The following ARHGEF33 variants were observed in gnomAD, a reference collection of about 807,000 sequenced individuals.
The protein encoded by ARHGEF33 is Rho guanine nucleotide exchange factor 33, also known as DH and coiled-coil domain-containing protein ENSP00000381780.
A neutral mutation model predicts 101.9 loss-of-function variants in ARHGEF33; 72 were observed. The observed-to-expected ratio is 0.71, with a 90% confidence interval of 0.58 to 0.86. ARHGEF33 has a LOEUF of 0.86. Ranked by LOEUF, ARHGEF33 falls within the 40% of genes least tolerant of loss-of-function variation. The probability of loss-of-function intolerance (pLI) is 0.00; values close to 1 mark genes in which losing one functional copy is unlikely to be tolerated. For synonymous variants in ARHGEF33, 499 were observed against 442.5 expected (o/e 1.13, Z -1.60); for missense variants, 1,169 against 1,111.3 (o/e 1.05, Z -0.74).
intron 2 of ARHGEF33, among the ~76,000 whole-genome samples, chr2:38,904,033 C>A (rs1483260984): frequency 6.6e-6 from 1 of 152,132 alleles, no homozygotes; most frequent in African/African-American, 2.4e-5. Flanking sequence ...AGCCTCTTTT[C>A]TCAAAGAAGT....
intron 17 of ARHGEF33, chr2:38,971,912 CTGG>C: frequency 2.8e-6 from 2 of 718,526 alleles, no homozygotes; most frequent in Non-Finnish European, 5.2e-6. Flanking sequence ...GTCCTTGGGG[CTGG>C]TGGTGACATC....
chr2:38,904,372 C>CA (rs1317617158), intron 2 of ARHGEF33, among the ~76,000 whole-genome samples: 1 of 151,956 alleles, frequency 6.6e-6, no homozygotes, highest in African/African-American at 2.4e-5. Context: ...AGGCCAGGGA[C>CA]ATTGTGGAGG....
At chr2:38,908,048 A>G (rs1208724896) in intron 2 of ARHGEF33, among the ~76,000 whole-genome samples, 3 of 151,700 alleles carry the variant, frequency 2.0e-5, no homozygotes, top group Admixed American at 1.3e-4. Context: ...AACTTTTTGT[A>G]AAGATAGGGT....
chr2:38,965,889 C>T (rs1668040200), intron 16 of ARHGEF33, 117 bp from the exon 17 acceptor site: 1 of 1,275,140 alleles, frequency 7.8e-7, no homozygotes, highest in Non-Finnish European at 1.1e-6. Flanking sequence ...TGGGTGCCCA[C>T]TGGTAGTCTT....
chr2:38,942,171 T>G (rs910241559), intron 9 of ARHGEF33, among the ~76,000 whole-genome samples: 8 of 146,228 alleles, frequency 5.5e-5, no homozygotes, highest in African/African-American at 2.0e-4. Context: ...TTTCTTTTTT[T>G]TTTTTTTTTT....
rs541924707 is a variant in ARHGEF33 at position 38,974,754 on chromosome 2, C to G, written c.*911C>G. ...GAAGGTGGCAATAGCACCAAAACTT[C>G]AATGGCTCACACACAGCAGTTGCTA... On this transcript the variant is annotated 3_prime_UTR_variant, in exon 18 of 18. Coordinates refer to ENST00000409978, the MANE Select transcript of ARHGEF33 (RefSeq NM_001145451.5). 1 of 152,356 alleles carries G rather than the reference C, an allele frequency of 6.6e-6. No individual in the cohort carries two copies. The highest frequency in any genetic ancestry group is 1.9e-4 in the East Asian group (1 of 5,188). The allele number at this position is 152,356 out of a possible 1,614,324, so 9.4% of individuals were successfully genotyped here. A position where few individuals can be genotyped will look rare whatever the true frequency, so the allele number is the denominator to read the frequency against.
chr2:38,940,386 C>T (rs574878000), intron 9 of ARHGEF33, among the ~76,000 whole-genome samples: 6 of 151,692 alleles, frequency 4.0e-5, no homozygotes, highest in Admixed American at 2.6e-4. Flanking sequence ...GCCTCAGCCT[C>T]CCAGGTAGTT....
chr2:38,954,735 G>C (rs1667698083), intron 13 of ARHGEF33, among the ~76,000 whole-genome samples: 1 of 150,482 alleles, frequency 6.6e-6, no homozygotes, highest in South Asian at 2.1e-4. Flanking sequence ...CTGGGTTCAA[G>C]TGACTCTCCT....
chr2:38,963,783 G>A (rs1302326025), intron 16 of ARHGEF33, among the ~76,000 whole-genome samples: 3 of 152,022 alleles, frequency 2.0e-5, no homozygotes, highest in African/African-American at 4.8e-5. Context: ...AGGATCATTC[G>A]CGGTGATTGA....
rs537468439 is a variant in ARHGEF33, at chr2:38,913,038, G to GT, written c.-85-6309dup. The stretch of plus-strand genomic sequence containing the variant: ...AATGCTTATGCTCTGTCAACAAATT[G>GT]TTTTTTTTTTTTTTTTGAGACAGGA... On this transcript the variant is annotated intron_variant, in intron 2 of 17. Coordinates refer to ENST00000409978, the MANE Select transcript of ARHGEF33 (RefSeq NM_001145451.5). 9.0e-3 allele frequency among the ~76,000 whole-genome samples: 1,220 copies of GT among 135,716 alleles called. 12 individuals are homozygous for GT. Among genetic ancestry groups the GT allele is most frequent in the African/African-American group, 0.019 (690 of 36,964 alleles). The allele number at this position is 135,716 out of a possible 152,430, so 89.0% of individuals were successfully genotyped here. A position where few individuals can be genotyped will look rare whatever the true frequency, so the allele number is the denominator to read the frequency against.
chr2:38,924,791 G>C (rs1233276240), intron 4 of ARHGEF33, among the ~76,000 whole-genome samples: 2 of 152,104 alleles, frequency 1.3e-5, no homozygotes, highest in Non-Finnish European at 2.9e-5. Flanking sequence ...CTGTGACATA[G>C]TAGCTTCCCC....
chr2:38,960,411 C>A lies in ARHGEF33; in HGVS notation c.2106C>A (p.Ala702=). 2 of 1,513,496 alleles carry A rather than the reference C, an allele frequency of 1.3e-6. No individual in the cohort carries two copies. 93.8% of individuals were successfully genotyped at this position (1,513,496 alleles called of 1,614,324 possible). ...CGGCGGCGCAGGCGCACGGCAAGGC[C>A]AAGCCGCTGAGCCGCTCTCTCAAAG... is the stretch of plus-strand genomic sequence containing the variant. ...LEAAAQAHGK[A]KPLSRSLKEF... The change falls in exon 16 of 18, where the codon GCC becomes GCA. Residue 702 remains alanine (A), a synonymous_variant. Coordinates refer to ENST00000409978, the MANE Select transcript of ARHGEF33 (RefSeq NM_001145451.5).
chr2:38,910,137 A>G (rs1666477287), intron 2 of ARHGEF33, among the ~76,000 whole-genome samples: 2 of 152,164 alleles, frequency 1.3e-5, no homozygotes, highest in South Asian at 2.1e-4. Flanking sequence ...ATCATTTCCT[A>G]TTGGGGAGTA....
Position 38,943,910 on chromosome 2 carries a change from A to G in ARHGEF33, c.800A>G (p.Gln267Arg), listed in dbSNP as rs1162562417. ...TGGTTTGTTTCTAAAGCTAAAAGAC[A>G]GACTGTGGCCCTGGAACTGCTTGAA... is the stretch of plus-strand genomic sequence containing the variant. Reference protein sequence around the residue: ...LCETSLAAKRQTVALELLESE... With the variant: ...LCETSLAAKRRTVALELLESE... The change falls in exon 10 of 18, where the codon CAG becomes CGG. Residue 267 changes from glutamine to arginine, a missense_variant. Physicochemically the swap from Gln to Arg is conservative, Grantham distance 43. Transcript: ENST00000409978. The G allele has an allele frequency of 6.4e-7, 1 of 1,551,372 alleles. No individual in the cohort carries two copies.
intron 17 of ARHGEF33, among the ~76,000 whole-genome samples, chr2:38,970,083 G>C (rs1268280854): frequency 6.6e-6 from 1 of 152,140 alleles, no homozygotes; most frequent in Non-Finnish European, 1.5e-5. Context: ...CTTAAATTTT[G>C]GGATAGTGGA....
chr2:38,951,218 C>T (rs1667595266), intron 11 of ARHGEF33, 97 bp downstream of exon 11: 2 of 1,191,442 alleles, frequency 1.7e-6, no homozygotes, highest in East Asian at 5.2e-5. Flanking sequence ...CAGTGAATTT[C>T]ACAGCTAGAA....
intron 2 of ARHGEF33, among the ~76,000 whole-genome samples, chr2:38,912,035 T>C (rs1029143323): frequency 1.3e-5 from 2 of 152,208 alleles, no homozygotes; most frequent in Admixed American, 6.5e-5. Flanking sequence ...CAAGAAAGCC[T>C]GGGCTTCAAA....
chr2:38,950,920 A>T (rs1413289144), intron 10 of ARHGEF33, 69 bp from the exon 11 acceptor site: 1 of 1,440,700 alleles, frequency 6.9e-7, no homozygotes, highest in African/African-American at 1.4e-5. Flanking sequence ...GCCCTGCTGC[A>T]TGTATTTTTG....
chr2:38,920,460 C>T (rs1480616207), intron 3 of ARHGEF33, among the ~76,000 whole-genome samples: 4 of 125,746 alleles, frequency 3.2e-5, no homozygotes, highest in East Asian at 2.7e-4. Context: ...CAGGCTGGAA[C>T]GCAATGGCAC....
Sources: allele counts gnomAD v4.1 joint callset (sites outside exome capture counted in the v4.1 genomes callset), GRCh38; gene constraint gnomAD v4.1.1; transcripts MANE v1.5; gene names NCBI Gene and HGNC (gene_info 2026-07-23, HGNC 2026-07-21).